NOX4: variants seen among roughly 807,000 people sequenced by gnomAD.
The protein encoded by NOX4 is kidney oxidase-1.
Under a neutral mutation model 87.6 loss-of-function variants are expected in NOX4, and 69 were observed. The ratio of observed to expected loss-of-function variants is 0.79; its 90% CI spans 0.65 to 0.96. NOX4 has a LOEUF of 0.96. NOX4 is among the 40% of genes least tolerant of loss of function. The pLI is 0.00. For missense variants in NOX4, 680 were observed against 681.5 expected, an observed-to-expected ratio of 1.00 and a Z score of 0.02; for synonymous variants, 275 against 238.2, an observed-to-expected ratio of 1.15 and a Z score of -1.42.
intron 7 of NOX4, among the ~76,000 whole-genome samples, chr11:89,426,098 T>C (rs1015200740): frequency 6.6e-6 from 1 of 152,166 alleles, no homozygotes; most frequent in Non-Finnish European, 1.5e-5. Flanking sequence ...ATCTCTTAAC[T>C]ATAAGAATCA....
At chr11:89,427,202 C>A (rs1943469892) in intron 7 of NOX4, among the ~76,000 whole-genome samples, 1 of 152,114 alleles carries the variant, frequency 6.6e-6, no homozygotes, top group African/African-American at 2.4e-5. Context: ...AAAAGACATC[C>A]ACACCAAAAC....
intron 12 of NOX4, among the ~76,000 whole-genome samples, chr11:89,371,735 C>G (rs1373632261): frequency 6.6e-6 from 1 of 151,550 alleles, no homozygotes; most frequent in Admixed American, 6.6e-5. Context: ...TGTGATTATT[C>G]ATATGTTCAT....
chr11:89,563,802 T>A, the NOX4 span, among the ~76,000 whole-genome samples: 1 of 152,148 alleles, frequency 6.6e-6, no homozygotes, highest in Non-Finnish European at 1.5e-5. Flanking sequence ...TAACATTACT[T>A]TTTTTAGTAA....
At chr11:89,430,501 C>G (rs1359440804) in intron 7 of NOX4, among the ~76,000 whole-genome samples, 1 of 152,178 alleles carries the variant, frequency 6.6e-6, no homozygotes, top group African/African-American at 2.4e-5. Context: ...GCAACTTCAG[C>G]AAAGTCTCAG....
chr11:89,407,685 G>A (rs1206525746), intron 8 of NOX4, among the ~76,000 whole-genome samples: 3 of 151,372 alleles, frequency 2.0e-5, no homozygotes, highest in Non-Finnish European at 4.4e-5. Flanking sequence ...TTTAATACCC[G>A]GCTGTGACAA....
At chr11:89,440,006 C>T (rs1380923067) in intron 6 of NOX4, among the ~76,000 whole-genome samples, 1 of 152,112 alleles carries the variant, frequency 6.6e-6, no homozygotes, top group Non-Finnish European at 1.5e-5. Context: ...CTTTCCAATA[C>T]ATTGAGGGCA....
chr11:89,441,592 A>G (rs550716855), intron 5 of NOX4, among the ~76,000 whole-genome samples: 7 of 152,190 alleles, frequency 4.6e-5, no homozygotes, highest in Non-Finnish European at 1.0e-4. Context: ...TATTCCAACT[A>G]TTAGAAACAT....
chr11:89,346,168 A>T (rs1345131495), intron 13 of NOX4, among the ~76,000 whole-genome samples: 1 of 152,192 alleles, frequency 6.6e-6, no homozygotes, highest in Non-Finnish European at 1.5e-5. Flanking sequence ...CAAGAACTCA[A>T]GCCCACTTAC....
chr11:89,587,250 G>A, the NOX4 span, among the ~76,000 whole-genome samples: 5 of 152,106 alleles, frequency 3.3e-5, no homozygotes, highest in Non-Finnish European at 1.5e-5. Context: ...GAGGCACCTC[G>A]ATGGCTTAGA....
At chr11:89,552,359 C>T in the NOX4 span, among the ~76,000 whole-genome samples, 2 of 152,122 alleles carry the variant, frequency 1.3e-5, no homozygotes, top group Non-Finnish European at 2.9e-5. Flanking sequence ...TGATCATTTA[C>T]GTCTCATTTT....
Position 89,444,122 on chromosome 11 carries a change from A to G in NOX4, c.447+13T>C. On this transcript the variant is annotated intron_variant, in intron 5 of 17. Transcript: ENST00000263317. The stretch of plus-strand genomic sequence containing the variant: ...ACAAGTGAAAGAAAAATGGGAAGAC[A>G]GAGACCACCCACCTCATCTCGGTAT... The G allele has an allele frequency of 6.2e-7, 1 of 1,609,942 alleles. No homozygotes were observed. The highest frequency in any genetic ancestry group is 1.1e-5 in the South Asian group (1 of 90,908).
In NOX4 at chr11:89,326,614, T is replaced by A. The variant is rs1945228908; in HGVS notation, c.*142A>T. 1 of 640,392 alleles carries A rather than the reference T, an allele frequency of 1.6e-6. No individual in the cohort carries two copies. Among genetic ancestry groups the A allele is most frequent in the Admixed American group, 3.2e-5 (1 of 31,604 alleles). The allele number at this position is 640,392 out of a possible 1,614,324, so 39.7% of individuals were successfully genotyped here. On this transcript the variant is annotated 3_prime_UTR_variant, in exon 18 of 18. Coordinates refer to ENST00000263317, the MANE Select transcript of NOX4 (RefSeq NM_016931.5). ...ATGTGACGGTCATCTTGCCACATTCTCACATTTCCATTTTAAATAATCATA... is the reference window on the plus strand; with the variant it reads ...ATGTGACGGTCATCTTGCCACATTCACACATTTCCATTTTAAATAATCATA...
intron 11 of NOX4, among the ~76,000 whole-genome samples, chr11:89,383,882 G>A (rs1198482319): frequency 1.3e-5 from 2 of 151,884 alleles, no homozygotes; most frequent in African/African-American, 4.8e-5. Flanking sequence ...ACAAGTATAG[G>A]ATAACTCTAC....
intron 10 of NOX4, 44 bp downstream of exon 10, chr11:89,400,171 A>G (rs767712190): frequency 1.7e-5 from 27 of 1,590,250 alleles, no homozygotes; most frequent in South Asian, 3.4e-5. Context: ...CAAAAATTAC[A>G]TAAGGATAAA....
chr11:89,349,060 G>A (rs532453406), intron 13 of NOX4, among the ~76,000 whole-genome samples: 146 of 152,166 alleles, frequency 9.6e-4, no homozygotes, highest in African/African-American at 3.4e-3. Context: ...AGACCAAGAC[G>A]GGTAGATCAC....
the NOX4 span, among the ~76,000 whole-genome samples, chr11:89,582,020 C>T: frequency 1.3e-5 from 2 of 152,024 alleles, no homozygotes; most frequent in Non-Finnish European, 2.9e-5. Context: ...ACCAATACTT[C>T]CCCATTTCTC....
intron 6 of NOX4, among the ~76,000 whole-genome samples, chr11:89,438,568 A>T (rs1480916962): frequency 1.1e-5 from 1 of 91,400 alleles, no homozygotes; most frequent in Non-Finnish European, 1.9e-5. Flanking sequence ...TATATAATAT[A>T]ATATATACTA....
intron 13 of NOX4, among the ~76,000 whole-genome samples, chr11:89,353,363 C>G (rs1937708836): frequency 6.6e-6 from 1 of 152,168 alleles, no homozygotes; most frequent in Non-Finnish European, 1.5e-5. Context: ...TTAACAACCA[C>G]CTTCCTAATC....
intron 12 of NOX4, among the ~76,000 whole-genome samples, chr11:89,371,749 C>G (rs1227262633): frequency 2.0e-5 from 3 of 151,828 alleles, no homozygotes; most frequent in African/African-American, 7.2e-5. Flanking sequence ...TGTTCATACT[C>G]CACCAGTGTA....
Sources: allele counts gnomAD v4.1 joint callset (sites outside exome capture counted in the v4.1 genomes callset), GRCh38; gene constraint gnomAD v4.1.1; transcripts MANE v1.5; gene names NCBI Gene and HGNC (gene_info 2026-07-23, HGNC 2026-07-21).